The following SMAP1 variants were observed in gnomAD, a reference collection of about 807,000 sequenced individuals.
SMAP1 encodes stromal membrane-associated protein 1.
SMAP1 carries 24 observed loss-of-function variants against 58.5 expected under a neutral mutation model. The observed-to-expected ratio is 0.41, with a 90% CI of 0.30 to 0.58. The LOEUF is 0.58. Among genes scored for constraint, SMAP1 ranks in the 20% least tolerant of loss-of-function variants. The probability of loss-of-function intolerance (pLI) is 0.29; values close to 1 mark genes in which losing one functional copy is unlikely to be tolerated. For synonymous variants in SMAP1, 216 were observed against 196.6 expected (o/e 1.10, Z -0.82); for missense variants, 563 against 566.3 (o/e 0.99, Z 0.06).
At chr6:70,736,411 T>C (rs1765620330) in intron 2 of SMAP1, among the ~76,000 whole-genome samples, 1 of 151,746 alleles carries the variant, frequency 6.6e-6, no homozygotes, top group Non-Finnish European at 1.5e-5. Context: ...ACCCAAGATA[T>C]TATACATTTG....
chr6:70,776,388 C>T (rs916525389), intron 4 of SMAP1, among the ~76,000 whole-genome samples: 2 of 152,096 alleles, frequency 1.3e-5, no homozygotes, highest in Non-Finnish European at 2.9e-5. Flanking sequence ...GCCATGTTGG[C>T]CAGGATGGTC....
At chr6:70,792,326 A>ATTTTTTTTTTT (rs70990333) in intron 5 of SMAP1, among the ~76,000 whole-genome samples, 1 of 140,174 alleles carries the variant, frequency 7.1e-6, no homozygotes, top group Non-Finnish European at 1.5e-5. Context: ...CTCTTTACCT[A>ATTTTTTTTTTT]TTTTTTTTTT....
chr6:70,782,980 C>A (rs1015221592), intron 4 of SMAP1, among the ~76,000 whole-genome samples: 1 of 152,220 alleles, frequency 6.6e-6, no homozygotes, highest in African/African-American at 2.4e-5. Flanking sequence ...AACAGGCAGA[C>A]TGCCTCCTCA....
intron 1 of SMAP1, among the ~76,000 whole-genome samples, chr6:70,721,003 T>G (rs1000668837): frequency 2.0e-5 from 3 of 152,192 alleles, no homozygotes; most frequent in African/African-American, 7.2e-5. Flanking sequence ...AAGAAAAGTT[T>G]GGGGTTAGAG....
At chr6:70,712,792 CTTTTCTTTTTTTT>C (rs946376874) in intron 1 of SMAP1, among the ~76,000 whole-genome samples, 2 of 130,398 alleles carry the variant, frequency 1.5e-5, no homozygotes, top group African/African-American at 5.8e-5. Flanking sequence ...TTCTTTTTTT[CTTTTCTTTTTTTT>C]TTTTTTGAGA....
chr6:70,681,303 G>A (rs1766701559), intron 1 of SMAP1, among the ~76,000 whole-genome samples: 1 of 152,028 alleles, frequency 6.6e-6, no homozygotes, highest in Admixed American at 6.6e-5. Context: ...GTGGTGGCAC[G>A]TGCCTGTGGT....
intron 1 of SMAP1, among the ~76,000 whole-genome samples, chr6:70,717,309 T>A (rs555417545): frequency 6.6e-6 from 1 of 152,342 alleles, no homozygotes; most frequent in East Asian, 1.9e-4. Flanking sequence ...ACTGTCTCTT[T>A]GTTGTCCACA....
At chr6:70,719,620 G>A (rs1050812737) in intron 1 of SMAP1, among the ~76,000 whole-genome samples, 2 of 152,110 alleles carry the variant, frequency 1.3e-5, no homozygotes, top group African/African-American at 4.8e-5. Context: ...AGACGTACCC[G>A]AGACTGGGAA....
chr6:70,759,920 A>G, intron 3 of SMAP1: 1 of 426,306 alleles, frequency 2.3e-6, no homozygotes, highest in Non-Finnish European at 4.7e-6. Context: ...CATTTTATGT[A>G]CATTATCTTT....
intron 1 of SMAP1, among the ~76,000 whole-genome samples, chr6:70,673,150 G>A (rs1766337306): frequency 6.6e-6 from 1 of 152,202 alleles, no homozygotes; most frequent in East Asian, 1.9e-4. Flanking sequence ...TACTTACCAA[G>A]TCATTGGAAG....
At chr6:70,827,856 A>G (rs1002729543) in intron 6 of SMAP1, among the ~76,000 whole-genome samples, 1 of 152,216 alleles carries the variant, frequency 6.6e-6, no homozygotes, top group African/African-American at 2.4e-5. Context: ...AATAAAATGT[A>G]GATTGTAATA....
intron 1 of SMAP1, among the ~76,000 whole-genome samples, chr6:70,706,195 T>C (rs1330968963): frequency 6.6e-6 from 1 of 152,162 alleles, no homozygotes; most frequent in African/African-American, 2.4e-5. Flanking sequence ...TGGTGGATCC[T>C]ATTTTGATTT....
At chr6:70,738,441 TTA>T (rs1765696711) in intron 2 of SMAP1, among the ~76,000 whole-genome samples, 1 of 139,854 alleles carries the variant, frequency 7.2e-6, no homozygotes, top group African/African-American at 2.7e-5. Context: ...CACTTGCTGT[TTA>T]TATTTTCTAT....
Position 70,805,549 on chromosome 6 carries a change from C to T in SMAP1, c.576+6812C>T, listed in dbSNP as rs560926435. ...GCATCCAGCTTTGTTCTGTTGCTGG[C>T]GAGGAGCTGTGATGCTTTGGAAGAG... On this transcript the variant is annotated intron_variant, in intron 6 of 10. Transcript: ENST00000370455. 5.3e-5 allele frequency among the ~76,000 whole-genome samples: 8 copies of T among 152,258 alleles called. No individual in the cohort carries two copies. The East Asian group carries it at 1.4e-3, about 26-fold the overall frequency.
rs77868881 is a variant in SMAP1, at chr6:70,831,272, T to A, written c.577-5669T>A. On this transcript the variant is annotated intron_variant, in intron 6 of 10. Coordinates refer to ENST00000370455, the MANE Select transcript of SMAP1 (RefSeq NM_001044305.3). ...TCTTTTCTTATTTTTACTTTTTTTT[T>A]AACTTTTATTCTAGGTTTAGGGGTA... Among the ~76,000 whole-genome samples the A allele has an allele frequency of 2.0e-3, 311 of 152,288 alleles. 2 individuals carry two copies. The highest frequency in any genetic ancestry group is 6.9e-3 in the African/African-American group (287 of 41,570).
At chr6:70,778,049 G>C (rs910664159) in intron 4 of SMAP1, among the ~76,000 whole-genome samples, 3 of 152,108 alleles carry the variant, frequency 2.0e-5, no homozygotes, top group Admixed American at 2.0e-4. Flanking sequence ...ACCACACCCA[G>C]CTAAGTCTTT....
chr6:70,669,112 CT>C (rs545237521), intron 1 of SMAP1, among the ~76,000 whole-genome samples: 203 of 147,980 alleles, frequency 1.4e-3, no homozygotes, highest in African/African-American at 4.8e-3. Context: ...GGAAATATTT[CT>C]TTTTTTTTTA....
chr6:70,859,239 A>T, intron 10 of SMAP1: 1 of 813,534 alleles, frequency 1.2e-6, no homozygotes, highest in Non-Finnish European at 1.9e-6. Context: ...GCTAAGTGTC[A>T]GTCACATGGT....
chr6:70,696,195 C>A (rs939129134), intron 1 of SMAP1, among the ~76,000 whole-genome samples: 1 of 150,888 alleles, frequency 6.6e-6, no homozygotes, highest in Non-Finnish European at 1.5e-5. Flanking sequence ...CTTATCTTTT[C>A]AAAAAAAACA....
Sources: gnomAD v4.1 joint callset for allele counts (sites outside exome capture counted in the v4.1 genomes callset) on GRCh38, gnomAD v4.1.1 for gene constraint, MANE v1.5 for transcripts, NCBI Gene and HGNC (gene_info 2026-07-23, HGNC 2026-07-21) for gene names.